Variants in DNAJA1 observed in about 807,000 individuals in gnomAD.
DNAJA1 encodes DnaJ heat shock protein family (Hsp40) member A1.
A neutral mutation model predicts 47.6 loss-of-function variants in DNAJA1; 26 were observed. The observed-to-expected ratio is 0.55, with a 90% CI of 0.40 to 0.76. The LOEUF (loss-of-function observed/expected upper bound fraction) is 0.76. DNAJA1 is among the 30% of genes least tolerant of loss of function. The pLI, the probability that DNAJA1 is intolerant of heterozygous loss-of-function variation, is 0.00. For synonymous variants in DNAJA1, 165 were observed against 158.4 expected (o/e 1.04, Z -0.31); for missense variants, 315 against 485.0 (o/e 0.65, Z 3.29).
At chr9:33,037,243 A>G (rs1839050212) in intron 8 of DNAJA1, 128 bp downstream of exon 8, 2 of 661,876 alleles carry the variant, frequency 3.0e-6, no homozygotes, top group East Asian at 5.9e-5. Flanking sequence ...AGGCTGAGGC[A>G]GGAGGATCCC....
rs749407561 is a variant in DNAJA1 at position 33,037,097 on chromosome 9, C to T, written c.957C>T (p.Arg319=). The stretch of plus-strand genomic sequence containing the variant: ...ATCGTAGACCATATGAAAAGGGTCG[C>T]CTAATCATCGAATTTAAGGTAAGCT... ...PIYRRPYEKG[R]LIIEFKVNFP... The change falls in exon 8 of 9, where the codon CGC becomes CGT. Residue 319 remains arginine, a synonymous_variant. Coordinates refer to ENST00000330899, the MANE Select transcript of DNAJA1 (RefSeq NM_001539.4). 5.9e-5 allele frequency: 96 copies of T among 1,613,588 alleles called. No individual in the cohort carries two copies. Among genetic ancestry groups the T allele is most frequent in the South Asian group, 1.8e-4 (16 of 91,050 alleles).
At chr9:33,029,221 C>CA (rs1374340094) in intron 3 of DNAJA1, among the ~76,000 whole-genome samples, 3 of 152,210 alleles carry the variant, frequency 2.0e-5, no homozygotes, top group African/African-American at 7.2e-5. Flanking sequence ...TGATTGGTGG[C>CA]TGCTACGTTG....
intron 5 of DNAJA1, among the ~76,000 whole-genome samples, chr9:33,032,013 A>G (rs1052907009): frequency 2.6e-5 from 4 of 152,252 alleles, no homozygotes; most frequent in African/African-American, 9.6e-5. Flanking sequence ...TAAGAAATGT[A>G]TATAACCCCA....
intron 3 of DNAJA1, among the ~76,000 whole-genome samples, chr9:33,027,643 A>AGGGTTCGAGACCAG (rs1360692475): frequency 3.2e-4 from 48 of 151,906 alleles, no homozygotes; most frequent in African/African-American, 1.1e-3. Context: ...CACTGAGGTC[A>AGGGTTCGAGACCAG]GGGTTCGAGA....
intron 8 of DNAJA1, 86 bp from the exon 9 acceptor site, chr9:33,038,597 CAT>C (rs1839069907): frequency 8.3e-7 from 1 of 1,209,186 alleles, no homozygotes; most frequent in Admixed American, 2.3e-5. Flanking sequence ...TACGTGTTTA[CAT>C]GTGTTTTTCT....
At chr9:33,030,093 T>G (rs1033932855) in intron 4 of DNAJA1, 104 bp downstream of exon 4, 5 of 1,094,706 alleles carry the variant, frequency 4.6e-6, no homozygotes, top group Non-Finnish European at 6.5e-6. Flanking sequence ...AATTGATTCA[T>G]GTACACTACC....
intron 6 of DNAJA1, 73 bp downstream of exon 6, chr9:33,034,403 T>A (rs1839004935): frequency 1.7e-6 from 2 of 1,208,500 alleles, no homozygotes; most frequent in South Asian, 2.8e-5. Context: ...TGTTTTTTTG[T>A]TTTTTTTAAA....
At chr9:33,027,417 C>T (rs1173603221) in intron 3 of DNAJA1, among the ~76,000 whole-genome samples, 1 of 152,008 alleles carries the variant, frequency 6.6e-6, no homozygotes, top group Non-Finnish European at 1.5e-5. Flanking sequence ...CTTGGCCTCC[C>T]AGAGTGCTGG....
chr9:33,036,932 A>G, intron 7 of DNAJA1, 83 bp from the exon 8 acceptor site: 1 of 1,257,752 alleles, frequency 8.0e-7, no homozygotes, highest in Non-Finnish European at 1.1e-6. Flanking sequence ...CCAATGAGCT[A>G]GGACAGTGCT....
At chr9:33,033,558 A>C (rs562121752) in intron 5 of DNAJA1, among the ~76,000 whole-genome samples, 2 of 152,128 alleles carry the variant, frequency 1.3e-5, no homozygotes, top group South Asian at 4.2e-4. Context: ...TTCAAAAATT[A>C]GCTGGTCTGT....
chr9:33,038,144 A>G (rs1475925058), intron 8 of DNAJA1, among the ~76,000 whole-genome samples: 1 of 151,982 alleles, frequency 6.6e-6, no homozygotes, highest in African/African-American at 2.4e-5. Context: ...AGCTGGGAAT[A>G]CAGGTGCCCG....
At chr9:33,030,080 T>C in intron 4 of DNAJA1, 91 bp downstream of exon 4, 1 of 1,239,998 alleles carries the variant, frequency 8.1e-7, no homozygotes, top group Non-Finnish European at 1.1e-6. Flanking sequence ...GATAGATATG[T>C]AAAATTGATT....
Position 33,038,697 on chromosome 9 carries a change from G to A in DNAJA1, c.988G>A (p.Glu330Lys). The part of the protein sequence containing the change: ...LIIEFKVNFP[E>K]NGFLSPDKLS... ...GTTTCTTTTGAAGGTAAACTTTCCT[G>A]AGAATGGCTTTCTCTCTCCTGATAA... The change falls in exon 9 of 9, where the codon GAG becomes AAG. Residue 330 changes from glutamate (E) to lysine (K), a missense_variant. Transcript: ENST00000330899. The A allele has an allele frequency of 6.2e-7, 1 of 1,613,818 alleles. No individual in the cohort carries two copies. Among genetic ancestry groups the A allele is most frequent in the Non-Finnish European group, 8.5e-7 (1 of 1,179,906 alleles).
At chr9:33,026,022 C>G (rs568963950) in intron 1 of DNAJA1, among the ~76,000 whole-genome samples, 1 of 152,298 alleles carries the variant, frequency 6.6e-6, no homozygotes, top group East Asian at 1.9e-4. Flanking sequence ...GTAACCTGTT[C>G]TATAAACCAC....
intron 5 of DNAJA1, among the ~76,000 whole-genome samples, chr9:33,032,762 T>TAAA (rs1463001884): frequency 6.6e-6 from 1 of 152,202 alleles, no homozygotes; most frequent in Non-Finnish European, 1.5e-5. Context: ...GATAGCGCTT[T>TAAA]AAGTCCTTAT....
chr9:33,031,541 C>T (rs1193268851), intron 5 of DNAJA1, among the ~76,000 whole-genome samples: 1 of 152,146 alleles, frequency 6.6e-6, no homozygotes, highest in Non-Finnish European at 1.5e-5. Flanking sequence ...AAGCGATTCT[C>T]CTGCCCCAGC....
At chr9:33,030,858 A>T (rs1368415778) in intron 5 of DNAJA1, among the ~76,000 whole-genome samples, 191 bp downstream of exon 5, 2 of 152,230 alleles carry the variant, frequency 1.3e-5, no homozygotes, top group African/African-American at 2.4e-5. Flanking sequence ...TATTACTAAT[A>T]CAGAATATAT....
At chr9:33,028,803 G>A (rs1054164628) in intron 3 of DNAJA1, among the ~76,000 whole-genome samples, 3 of 152,194 alleles carry the variant, frequency 2.0e-5, no homozygotes, top group African/African-American at 7.2e-5. Flanking sequence ...CAAAATAAGG[G>A]CAGCTAGATT....
chr9:33,028,343 C>T (rs917390232), intron 3 of DNAJA1, among the ~76,000 whole-genome samples: 1 of 152,084 alleles, frequency 6.6e-6, no homozygotes, highest in African/African-American at 2.4e-5. Flanking sequence ...AGAAATACTG[C>T]TTATAGGAGT....
Sources: gnomAD v4.1 joint callset for allele counts (sites outside exome capture counted in the v4.1 genomes callset) on GRCh38, gnomAD v4.1.1 for gene constraint, MANE v1.5 for transcripts, NCBI Gene and HGNC (gene_info 2026-07-23, HGNC 2026-07-21) for gene names.